The following SLC38A8 variants were observed in gnomAD, a reference collection of about 807,000 sequenced individuals.
SLC38A8 encodes solute carrier family 38 member 8, also known as amino acid transporter SLC38A8.
Under a neutral mutation model 46.0 loss-of-function variants are expected in SLC38A8, and 65 were observed. The ratio of observed to expected loss-of-function variants is 1.41; its 90% CI spans 1.16 to 1.74. The LOEUF is 1.74. SLC38A8 is among the 40% of genes most tolerant of loss of function. The pLI is 0.00. For missense variants in SLC38A8, 998 were observed against 567.9 expected (o/e 1.76, Z -7.70); for synonymous variants, 447 against 243.7 (o/e 1.83, Z -7.77).
chr16:84,022,878 A>G lies in SLC38A8; in HGVS notation c.702T>C (p.Ala234=). Residue 234 remains alanine, a synonymous_variant, in exon 7 of 11, where the codon GCT becomes GCC. Transcript: ENST00000299709. ...GCATGCTGCAGTAGATGGAGACGGC[A>G]GCTTCGTGACACTGTAAGACAGAGG... ...TICFGFQCHE[A]AVSIYCSMRK... is the part of the protein sequence containing the mutation. The G allele has an allele frequency of 6.2e-7, 1 of 1,604,854 alleles. No homozygotes were observed. Among genetic ancestry groups the G allele is most frequent in the Non-Finnish European group, 8.5e-7 (1 of 1,176,364 alleles).
At chr16:84,016,859 C>A in intron 8 of SLC38A8, 132 bp from the exon 9 acceptor site, 1 of 1,123,568 alleles carries the variant, frequency 8.9e-7, no homozygotes, top group South Asian at 1.6e-5. Context: ...GGTGTTTATT[C>A]CCCAGGAGAC....
chr16:84,017,742 C>A (rs1263521349), intron 7 of SLC38A8, among the ~76,000 whole-genome samples: 1 of 152,224 alleles, frequency 6.6e-6, no homozygotes, highest in Admixed American at 6.5e-5. Flanking sequence ...GGACTGAGGA[C>A]AAGAGCGCCA....
chr16:84,020,099 A>G (rs946374895), intron 7 of SLC38A8, among the ~76,000 whole-genome samples: 3 of 148,852 alleles, frequency 2.0e-5, no homozygotes, highest in African/African-American at 7.4e-5. Context: ...CCTGGCAGAG[A>G]CTCTCTGCAG....
At chr16:84,027,909 G>A (rs941022331) in intron 6 of SLC38A8, among the ~76,000 whole-genome samples, 11 of 152,226 alleles carry the variant, frequency 7.2e-5, no homozygotes, top group Non-Finnish European at 1.3e-4. Flanking sequence ...ACAGTTGACA[G>A]CAAAATCAGC....
intron 6 of SLC38A8, among the ~76,000 whole-genome samples, chr16:84,023,115 G>A (rs1184608307): frequency 6.6e-6 from 1 of 151,818 alleles, no homozygotes; most frequent in Non-Finnish European, 1.5e-5. Flanking sequence ...ACAGTACCAG[G>A]CATTATCAAT....
intron 1 of SLC38A8, 51 bp from the exon 2 acceptor site, chr16:84,042,210 C>G: frequency 6.5e-7 from 1 of 1,536,868 alleles, no homozygotes; most frequent in Non-Finnish European, 8.8e-7. Context: ...CGCTTTCCTC[C>G]CTAAGTTCTC....
intron 10 of SLC38A8, among the ~76,000 whole-genome samples, chr16:84,012,096 C>T (rs1249287950): frequency 6.6e-6 from 1 of 152,174 alleles, no homozygotes; most frequent in Non-Finnish European, 1.5e-5. Flanking sequence ...AAATTCATTT[C>T]TGTTGCTTTA....
At chr16:84,030,138 G>C (rs1240494733) in intron 5 of SLC38A8, among the ~76,000 whole-genome samples, 4 of 152,172 alleles carry the variant, frequency 2.6e-5, no homozygotes, top group Admixed American at 1.3e-4. Flanking sequence ...AACAGACAGA[G>C]AGAACATGGT....
At chr16:84,033,511 G>A in intron 3 of SLC38A8, 42 bp from the exon 4 acceptor site, 1 of 1,537,390 alleles carries the variant, frequency 6.5e-7, no homozygotes, top group South Asian at 1.3e-5. Flanking sequence ...GAGTACAAAT[G>A]CCGTGGGTTC....
Position 84,033,455 on chromosome 16 carries a change from G to C in SLC38A8, c.403C>G (p.Leu135Val). 6.2e-7 allele frequency: 1 copy of C among 1,607,230 alleles called. No individual in the cohort carries two copies. The highest frequency in any genetic ancestry group is 8.5e-7 in the Non-Finnish European group (1 of 1,177,054). The change falls in exon 4 of 11, where the codon CTG (leucine) becomes GTG (valine). Residue 135 changes from leucine (L) to valine (V), a missense_variant. Physicochemically the swap from Leu to Val is conservative, Grantham distance 32 (BLOSUM62 1). Coordinates refer to ENST00000299709, the MANE Select transcript of SLC38A8 (RefSeq NM_001080442.3). ...TGCGGGGCGGGCGGGGTGCCAGACAGGAGGGAGTCACACACTGCCAGAGAC... is the reference window on the plus strand; with the variant it reads ...TGCGGGGCGGGCGGGGTGCCAGACACGAGGGAGTCACACACTGCCAGAGAC... ...DQLEKLCDSL[L>V]SGTPPAPQPW...
intron 8 of SLC38A8, 114 bp from the exon 9 acceptor site, chr16:84,016,841 C>A: frequency 1.6e-6 from 2 of 1,212,322 alleles, no homozygotes; most frequent in Non-Finnish European, 1.1e-6. Flanking sequence ...GCTCCTGTTC[C>A]ACACTCAGGT....
intron 10 of SLC38A8, among the ~76,000 whole-genome samples, chr16:84,010,729 G>A (rs374342864): frequency 6.6e-6 from 1 of 152,172 alleles, no homozygotes; most frequent in African/African-American, 2.4e-5. Flanking sequence ...GGAGGACAGA[G>A]CAAGACTCCA....
chr16:84,041,556 G>C (rs371183845), intron 2 of SLC38A8, among the ~76,000 whole-genome samples: 1 of 152,148 alleles, frequency 6.6e-6, no homozygotes, highest in Non-Finnish European at 1.5e-5. Context: ...CAGGTGATCC[G>C]TCCACCTTGG....
At position 84,016,670 on chromosome 16, in the gene SLC38A8, G is replaced by A. The variant is rs2085030316; in HGVS notation, c.1011C>T (p.Ala337=). 17 of 1,613,610 alleles carry A rather than the reference G, an allele frequency of 1.1e-5. No individual in the cohort carries two copies. In the East Asian group the frequency reaches 3.8e-4, roughly 36 times the overall value. Residue 337 remains alanine, a synonymous_variant, in exon 9 of 11, where the codon GCC becomes GCT. Transcript: ENST00000299709. ...CCCACAGCCCTGAGGGGTCGGCCAG[G>A]GCGCTGGGCCCCCATCCCCCCAAGC... is the stretch of plus-strand genomic sequence containing the variant. ...RSCLGGWGPS[A]LADPSGLWVR...
chr16:84,010,517 G>C (rs1216770673), intron 10 of SLC38A8, among the ~76,000 whole-genome samples: 1 of 151,854 alleles, frequency 6.6e-6, no homozygotes, highest in Non-Finnish European at 1.5e-5. Context: ...GAGGCAGGCG[G>C]ATTCACCTGA....
intron 2 of SLC38A8, among the ~76,000 whole-genome samples, chr16:84,037,271 C>G (rs945765936): frequency 6.6e-6 from 1 of 152,214 alleles, no homozygotes; most frequent in African/African-American, 2.4e-5. Context: ...GGCTTGGAAC[C>G]CGAGGTGGAG....
intron 2 of SLC38A8, among the ~76,000 whole-genome samples, chr16:84,039,467 G>C (rs1008376386): frequency 1.9e-4 from 29 of 152,134 alleles, no homozygotes; most frequent in Non-Finnish European, 1.5e-5. Flanking sequence ...CAGGGGGGCC[G>C]GGTACGGTGG....
intron 9 of SLC38A8, among the ~76,000 whole-genome samples, chr16:84,013,426 T>TGTTGTTG (rs1567689144): frequency 4.2e-5 from 4 of 95,096 alleles, no homozygotes; most frequent in African/African-American, 2.6e-4. Context: ...GTGTGTGTGT[T>TGTTGTTG]TTTTTTTTTT....
At chr16:84,034,799 G>C (rs530766075) in intron 3 of SLC38A8, among the ~76,000 whole-genome samples, 3 of 151,986 alleles carry the variant, frequency 2.0e-5, no homozygotes, top group Non-Finnish European at 4.4e-5. Context: ...TAGACCTCCA[G>C]GTGGCGTGGG....
Sources: allele counts gnomAD v4.1 joint callset (sites outside exome capture counted in the v4.1 genomes callset), GRCh38; gene constraint gnomAD v4.1.1; transcripts MANE v1.5; gene names NCBI Gene and HGNC (gene_info 2026-07-23, HGNC 2026-07-21).